The following VPS13B variants were observed in gnomAD, a reference collection of about 807,000 sequenced individuals.
VPS13B encodes the protein intermembrane lipid transfer protein VPS13B.
Under a neutral mutation model 426.4 loss-of-function variants are expected in VPS13B, and 285 were observed. The ratio of observed to expected loss-of-function variants is 0.67; its 90% CI spans 0.61 to 0.74. The LOEUF (loss-of-function observed/expected upper bound fraction) is 0.74, where lower values mean the gene tolerates loss of function less well. VPS13B is among the 30% of genes least tolerant of loss of function. The pLI is 0.00. For missense variants in VPS13B, 4,537 were observed against 4,782.6 expected (o/e 0.95, Z 1.51); for synonymous variants, 1,676 against 1,676.4 (o/e 1.00, Z 0.01).
At chr8:99,361,274 C>G (rs1384212363) in intron 19 of VPS13B, among the ~76,000 whole-genome samples, 3 of 152,154 alleles carry the variant, frequency 2.0e-5, no homozygotes, top group Non-Finnish European at 4.4e-5. Context: ...TTCAGTGCCT[C>G]TCAGTTTTTA....
At chr8:99,380,460 T>C (rs1813731593) in intron 19 of VPS13B, among the ~76,000 whole-genome samples, 1 of 152,166 alleles carries the variant, frequency 6.6e-6, no homozygotes. Flanking sequence ...TTCTGACATC[T>C]GCTTGAGTGA....
intron 18 of VPS13B, 145 bp downstream of exon 18, chr8:99,274,477 A>G (rs1444973443): frequency 7.5e-7 from 1 of 1,331,458 alleles, no homozygotes; most frequent in Non-Finnish European, 1.0e-6. Flanking sequence ...AATTTTTCTA[A>G]TTGTGCCAGG....
intron 13 of VPS13B, among the ~76,000 whole-genome samples, chr8:99,145,575 T>C (rs1810663317): frequency 1.7e-5 from 2 of 114,414 alleles, no homozygotes; most frequent in South Asian, 2.5e-4. Context: ...ATACAGTATG[T>C]AAGCTTTTGA....
At chr8:99,779,126 C>A in intron 42 of VPS13B, 95 bp downstream of exon 42, 1 of 1,211,474 alleles carries the variant, frequency 8.3e-7, no homozygotes, top group Non-Finnish European at 1.2e-6. Context: ...TCAACACAAA[C>A]AAAAATGTTA....
At chr8:99,479,179 C>T (rs967967080) in intron 24 of VPS13B, among the ~76,000 whole-genome samples, 1 of 152,082 alleles carries the variant, frequency 6.6e-6, no homozygotes, top group Non-Finnish European at 1.5e-5. Context: ...TTCTGTATTT[C>T]TGAGTAGAAT....
intron 29 of VPS13B, among the ~76,000 whole-genome samples, chr8:99,517,821 G>A (rs991960187): frequency 2.6e-5 from 4 of 151,920 alleles, no homozygotes; most frequent in African/African-American, 7.2e-5. Flanking sequence ...TTAAATACAG[G>A]TGAAATAACC....
chr8:99,058,439 A>G (rs945951723), intron 3 of VPS13B, among the ~76,000 whole-genome samples: 9 of 151,686 alleles, frequency 5.9e-5, no homozygotes, highest in Non-Finnish European at 1.3e-4. Context: ...AAATATATAA[A>G]CATATATATT....
At chr8:99,338,924 G>A (rs1431982227) in intron 19 of VPS13B, among the ~76,000 whole-genome samples, 1 of 152,064 alleles carries the variant, frequency 6.6e-6, no homozygotes, top group Non-Finnish European at 1.5e-5. Context: ...TGTCAGACAT[G>A]CAAATAGAGA....
chr8:99,625,434 A>G (rs567790079), intron 33 of VPS13B, among the ~76,000 whole-genome samples: 2 of 152,266 alleles, frequency 1.3e-5, no homozygotes, highest in South Asian at 4.1e-4. Context: ...ATTTAAAAAA[A>G]TTTCATCCTT....
At chr8:99,811,846 G>T (rs1034413758) in intron 44 of VPS13B, among the ~76,000 whole-genome samples, 1 of 152,120 alleles carries the variant, frequency 6.6e-6, no homozygotes, top group African/African-American at 2.4e-5. Context: ...GATTAACTGA[G>T]TTTGTGTATG....
chr8:99,789,215 T>C (rs572937472), intron 43 of VPS13B, among the ~76,000 whole-genome samples: 1 of 152,298 alleles, frequency 6.6e-6, no homozygotes, highest in South Asian at 2.1e-4. Context: ...TTTCATTAAC[T>C]AGACTGTAAT....
intron 3 of VPS13B, among the ~76,000 whole-genome samples, chr8:99,084,044 C>T (rs998200940): frequency 2.0e-5 from 3 of 152,198 alleles, no homozygotes; most frequent in Admixed American, 2.0e-4. Context: ...ACCAACTCCT[C>T]CTTGTACCTC....
intron 19 of VPS13B, among the ~76,000 whole-genome samples, chr8:99,291,473 A>G (rs1207339138): frequency 1.3e-5 from 2 of 152,142 alleles, no homozygotes; most frequent in East Asian, 3.8e-4. Context: ...TAGATAATTT[A>G]TGATTCAATT....
At chr8:99,095,582 T>G (rs1846373837) in intron 3 of VPS13B, among the ~76,000 whole-genome samples, 1 of 152,200 alleles carries the variant, frequency 6.6e-6, no homozygotes, top group African/African-American at 2.4e-5. Context: ...TTCGATAGAT[T>G]CTGAAGTCCC....
At chr8:99,223,937 A>G (rs1815874315) in intron 17 of VPS13B, among the ~76,000 whole-genome samples, 1 of 152,186 alleles carries the variant, frequency 6.6e-6, no homozygotes, top group African/African-American at 2.4e-5. Context: ...ATAGTTTATA[A>G]GGAGTGAAAG....
intron 35 of VPS13B, among the ~76,000 whole-genome samples, chr8:99,672,383 G>A (rs1417109031): frequency 6.6e-6 from 1 of 152,024 alleles, no homozygotes; most frequent in Admixed American, 6.6e-5. Flanking sequence ...TAGCTATTAT[G>A]AAATGAGATT....
At chr8:99,156,314 A>C (rs756405662) in intron 14 of VPS13B, among the ~76,000 whole-genome samples, 12 of 152,222 alleles carry the variant, frequency 7.9e-5, no homozygotes, top group Non-Finnish European at 1.2e-4. Flanking sequence ...CTTGAGCTGA[A>C]AGGGCAATGA....
intron 40 of VPS13B, among the ~76,000 whole-genome samples, chr8:99,769,998 A>G (rs1256548612): frequency 6.6e-6 from 1 of 152,032 alleles, no homozygotes; most frequent in Non-Finnish European, 1.5e-5. Flanking sequence ...TCTCCACACA[A>G]AAATTTAAAA....
intron 16 of VPS13B, among the ~76,000 whole-genome samples, chr8:99,173,015 ATTAC>A (rs1812436809): frequency 6.6e-6 from 1 of 152,134 alleles, no homozygotes. Flanking sequence ...TGATATAATT[ATTAC>A]TTATATATAT....
Sources: allele counts gnomAD v4.1 joint callset (sites outside exome capture counted in the v4.1 genomes callset), GRCh38; gene constraint gnomAD v4.1.1; transcripts MANE v1.5; gene names NCBI Gene and HGNC (gene_info 2026-07-23, HGNC 2026-07-21).